DCC: variants seen among roughly 807,000 people sequenced by gnomAD.
DCC encodes the protein netrin receptor DCC.
A neutral mutation model predicts 172.5 loss-of-function variants in DCC; 58 were observed. The ratio of observed to expected loss-of-function variants is 0.34; its 90% confidence interval spans 0.27 to 0.42. The LOEUF (loss-of-function observed/expected upper bound fraction) is 0.42. DCC is among the 10% of genes least tolerant of loss of function. The probability of loss-of-function intolerance (pLI) is 1.00; values close to 1 mark genes in which losing one functional copy is unlikely to be tolerated. For missense variants in DCC, 1,740 were observed against 1,791.0 expected (o/e 0.97, Z 0.51); for synonymous variants, 709 against 644.5 (o/e 1.10, Z -1.52).
chr18:52,427,311 T>A (rs988407356), intron 1 of DCC, among the ~76,000 whole-genome samples: 2 of 152,126 alleles, frequency 1.3e-5, no homozygotes, highest in Non-Finnish European at 2.9e-5. Context: ...CCCTTTCCCC[T>A]GCACTACATC....
intron 2 of DCC, among the ~76,000 whole-genome samples, chr18:52,864,253 G>T (rs77014141): frequency 0.05 from 7,547 of 152,262 alleles, 250 homozygotes; most frequent in South Asian, 0.14. Flanking sequence ...AAACAGGGTA[G>T]CAAATTTACA....
intron 12 of DCC, among the ~76,000 whole-genome samples, chr18:53,264,854 T>G (rs993726482): frequency 6.6e-6 from 1 of 152,168 alleles, no homozygotes; most frequent in Non-Finnish European, 1.5e-5. Flanking sequence ...CTTCACATCC[T>G]GAAAACAAAT....
At chr18:52,746,813 T>C (rs1282332164) in intron 1 of DCC, among the ~76,000 whole-genome samples, 1 of 151,968 alleles carries the variant, frequency 6.6e-6, no homozygotes, top group Non-Finnish European at 1.5e-5. Flanking sequence ...AGTTCTCCCT[T>C]AGGTCATTCC....
intron 1 of DCC, among the ~76,000 whole-genome samples, chr18:52,467,163 A>G (rs957665939): frequency 6.6e-6 from 1 of 152,046 alleles, no homozygotes; most frequent in Admixed American, 6.6e-5. Flanking sequence ...TGTCATCTAC[A>G]TTAGATATTT....
intron 5 of DCC, among the ~76,000 whole-genome samples, chr18:52,967,168 T>C (rs2040947289): frequency 1.3e-5 from 2 of 152,188 alleles, no homozygotes; most frequent in Admixed American, 1.3e-4. Context: ...AAAATGTGGA[T>C]AAAAAACCAC....
chr18:53,425,357 C>CTTTTTTTTTTTTTTT lies in DCC; in HGVS notation c.3163+9207_3163+9221dup, dbSNP rs747096336. On this transcript the variant is annotated intron_variant, in intron 21 of 28. Transcript: ENST00000442544. ...CCACAATTTTCCCCGTTTCTCCTCT[C>CTTTTTTTTTTTTTTT]TTTTTTTTTTTTTTTTTTTTGAGAC... Among the ~76,000 whole-genome samples the CTTTTTTTTTTTTTTT allele has an allele frequency of 6.9e-5, 7 of 101,652 alleles. 1 individual carries two copies. Among genetic ancestry groups the CTTTTTTTTTTTTTTT allele is most frequent in the Admixed American group, 3.5e-4 (3 of 8,646 alleles). The allele number at this position is 101,652 out of a possible 152,430, so 66.7% of individuals were successfully genotyped here.
chr18:53,480,938 G>T (rs181996150), intron 25 of DCC: 7 of 152,262 alleles, frequency 4.6e-5, no homozygotes, highest in African/African-American at 1.4e-4. Flanking sequence ...GTTTCATGAG[G>T]TTTCTTTCAG....
intron 5 of DCC, among the ~76,000 whole-genome samples, chr18:53,058,802 A>G (rs2042452439): frequency 6.6e-6 from 1 of 152,208 alleles, no homozygotes; most frequent in Admixed American, 6.6e-5. Flanking sequence ...GTGCAGAAGA[A>G]ACCAAGTCTT....
intron 1 of DCC, among the ~76,000 whole-genome samples, chr18:52,599,815 G>C (rs1264106121): frequency 6.6e-6 from 1 of 151,834 alleles, no homozygotes; most frequent in Non-Finnish European, 1.5e-5. Flanking sequence ...CGCCCGGCCT[G>C]TCTATAAATA....
chr18:52,483,817 C>A (rs2718884), intron 1 of DCC, among the ~76,000 whole-genome samples: 1 of 151,956 alleles, frequency 6.6e-6, no homozygotes, highest in South Asian at 2.1e-4. Flanking sequence ...TCTGATCTCT[C>A]TTTCTGGAGA....
intron 2 of DCC, among the ~76,000 whole-genome samples, chr18:52,893,934 T>A (rs980263909): frequency 5.3e-5 from 8 of 152,298 alleles, no homozygotes; most frequent in African/African-American, 1.9e-4. Context: ...GGCTCTCTTA[T>A]GAAGGAGAAA....
intron 1 of DCC, among the ~76,000 whole-genome samples, chr18:52,595,767 T>C (rs1235869668): frequency 6.6e-6 from 1 of 152,206 alleles, no homozygotes; most frequent in African/African-American, 2.4e-5. Context: ...CACACATTTG[T>C]GAAGCCATAG....
intron 1 of DCC, among the ~76,000 whole-genome samples, chr18:52,378,741 T>C (rs1479665386): frequency 6.6e-6 from 1 of 151,810 alleles, no homozygotes; most frequent in African/African-American, 2.4e-5. Flanking sequence ...AGATATGGGG[T>C]TTTGTCATGT....
intron 1 of DCC, among the ~76,000 whole-genome samples, chr18:52,356,246 C>A (rs1362067224): frequency 6.6e-6 from 1 of 152,140 alleles, no homozygotes; most frequent in East Asian, 1.9e-4. Context: ...TCACACACTG[C>A]ATTTTGAACT....
At chr18:52,806,788 T>C (rs76628896) in intron 2 of DCC, among the ~76,000 whole-genome samples, 6,795 of 152,228 alleles carry the variant, frequency 0.045, 247 homozygotes, top group South Asian at 0.17. Flanking sequence ...GATTATAATA[T>C]GAAGTTAGAG....
At chr18:53,140,300 T>C (rs1169249606) in intron 7 of DCC, among the ~76,000 whole-genome samples, 1 of 152,218 alleles carries the variant, frequency 6.6e-6, no homozygotes, top group Non-Finnish European at 1.5e-5. Context: ...TTTATCTGCA[T>C]GGCTCAGTGT....
At chr18:53,145,020 A>G (rs2043884681) in intron 7 of DCC, among the ~76,000 whole-genome samples, 1 of 151,468 alleles carries the variant, frequency 6.6e-6, no homozygotes, top group African/African-American at 2.4e-5. Flanking sequence ...GCGTCCCTCT[A>G]AAATTCATGT....
chr18:53,435,357 A>AAAAAAC (rs201519783), intron 22 of DCC, 148 bp downstream of exon 22: 2 of 609,206 alleles, frequency 3.3e-6, no homozygotes, highest in Admixed American at 2.6e-5. Context: ...TGAAGTTATT[A>AAAAAAC]AAAAACAAAA....
At chr18:53,340,033 A>G (rs2057638244) in intron 15 of DCC, 126 bp downstream of exon 15, 1 of 706,474 alleles carries the variant, frequency 1.4e-6, no homozygotes, top group Non-Finnish European at 2.4e-6. Flanking sequence ...TAGCTCTGAA[A>G]GCAACTGTCT....
Sources: gnomAD v4.1 joint callset for allele counts (sites outside exome capture counted in the v4.1 genomes callset) on GRCh38, gnomAD v4.1.1 for gene constraint, MANE v1.5 for transcripts, NCBI Gene and HGNC (gene_info 2026-07-23, HGNC 2026-07-21) for gene names.